Variants in USP33 observed in about 807,000 individuals in gnomAD.
The protein encoded by USP33 is ubiquitin carboxyl-terminal hydrolase 33.
Under a neutral mutation model 124.2 loss-of-function variants are expected in USP33, and 46 were observed. The ratio of observed to expected loss-of-function variants is 0.37; its 90% CI spans 0.29 to 0.47. The LOEUF (loss-of-function observed/expected upper bound fraction) is 0.47. USP33 is among the 20% of genes least tolerant of loss of function. USP33 has a pLI of 0.99. For missense variants in USP33, 851 were observed against 1,070.6 expected (o/e 0.79, Z 2.86); for synonymous variants, 350 against 352.3 (o/e 0.99, Z 0.07).
chr1:77,749,713 T>C (rs1318447208), intron 1 of USP33, among the ~76,000 whole-genome samples: 1 of 152,030 alleles, frequency 6.6e-6, no homozygotes, highest in African/African-American at 2.4e-5. Context: ...TAAAGATGAG[T>C]ACTGAGCGCT....
At chr1:77,735,436 AGT>A (rs1346254205) in intron 6 of USP33, among the ~76,000 whole-genome samples, 1 of 152,240 alleles carries the variant, frequency 6.6e-6, no homozygotes, top group African/African-American at 2.4e-5. Flanking sequence ...TAAAATTAAT[AGT>A]GTGAGCTAAA....
At chr1:77,718,279 CT>C (rs1676151448) in intron 16 of USP33, among the ~76,000 whole-genome samples, 1 of 152,140 alleles carries the variant, frequency 6.6e-6, no homozygotes, top group African/African-American at 2.4e-5. Context: ...TTATAACCTG[CT>C]TCCAGAGATG....
At chr1:77,712,392 T>C (rs1675359118) in intron 20 of USP33, among the ~76,000 whole-genome samples, 1 of 152,334 alleles carries the variant, frequency 6.6e-6, no homozygotes, top group Middle Eastern at 3.4e-3. Flanking sequence ...GGCATGGTGA[T>C]GTGTGCCTGT....
At chr1:77,751,077 T>C (rs1680288374) in intron 1 of USP33, among the ~76,000 whole-genome samples, 1 of 152,206 alleles carries the variant, frequency 6.6e-6, no homozygotes, top group Non-Finnish European at 1.5e-5. Context: ...TCCACAGAAG[T>C]AGATTTTGCA....
rs1434543294 is a variant in USP33, at chr1:77,720,180, A to AC, written c.1691+991_1691+992insG. ...TGTCTCAAATGAAAAAAAAAAAAAAAAAAAAAAAAAAAAACCTTTATTCTT... is the reference window on the plus strand; with the variant it reads ...TGTCTCAAATGAAAAAAAAAAAAAAACAAAAAAAAAAAAAACCTTTATTCTT... On this transcript the variant is annotated intron_variant, in intron 15 of 23. Transcript: ENST00000370794. 26 of 419,492 alleles carry AC rather than the reference A, an allele frequency of 6.2e-5. No homozygotes were observed. In the Admixed American group the frequency reaches 7.1e-4, roughly 12 times the overall value. 26.0% of individuals were successfully genotyped at this position (419,492 alleles called of 1,614,324 possible).
chr1:77,758,175 C>CTTTTTTTTTTTTTT (rs1185358841), intron 1 of USP33, among the ~76,000 whole-genome samples: 1 of 94,286 alleles, frequency 1.1e-5, no homozygotes, highest in Non-Finnish European at 2.0e-5. Context: ...TTGTACTGTC[C>CTTTTTTTTTTTTTT]TTTTTTTTTT....
Position 77,741,049 on chromosome 1 carries a change from T to G in USP33, c.136-110A>C, listed in dbSNP as rs763643007. 4.0e-6 allele frequency: 3 copies of G among 751,712 alleles called. No homozygotes were observed. The African/African-American group carries it at 5.4e-5, about 14-fold the overall frequency. 46.6% of individuals were successfully genotyped at this position (751,712 alleles called of 1,614,324 possible). On this transcript the variant is annotated intron_variant, in intron 3 of 23. Transcript: ENST00000370794. ...TTAAGTTTGGATTACCTGTTTTACA[T>G]TCAATGAGTAAATGACTTTCCAGTC...
rs1163236442 is a variant in USP33, at chr1:77,734,360, C to A, written c.511G>T (p.Ala171Ser). The A allele has an allele frequency of 6.3e-7, 1 of 1,591,816 alleles. No individual in the cohort carries two copies. Residue 171 changes from alanine to serine, a missense_variant, in exon 7 of 24, where the codon GCT becomes TCT. Physicochemically the swap from Ala to Ser is moderately conservative, Grantham distance 99. Coordinates refer to ENST00000370794, the MANE Select transcript of USP33 (RefSeq NM_201624.3). ...TTCTCTATTTACCAATTAGAAAGAGCCTGCAAAGCTGCATTCATGTAACAA... is the reference window on the plus strand; with the variant it reads ...TTCTCTATTTACCAATTAGAAAGAGACTGCAAAGCTGCATTCATGTAACAA... Reference protein sequence around the residue: ...NTCYMNAALQALSNCPPLTQF... With the variant: ...NTCYMNAALQSLSNCPPLTQF...
intron 1 of USP33, among the ~76,000 whole-genome samples, chr1:77,753,080 A>C (rs1427550302): frequency 6.6e-6 from 1 of 152,172 alleles, no homozygotes; most frequent in African/African-American, 2.4e-5. Flanking sequence ...ACTCCATCTC[A>C]AAAAATAAAA....
Position 77,730,681 on chromosome 1 carries a change from T to A in USP33, c.575A>T (p.Asp192Val). Residue 192 changes from aspartate (D) to valine (V), a missense_variant, in exon 8 of 24, where the codon GAT becomes GTT. By Grantham distance (152) the Asp-to-Val change is radical. Transcript: ENST00000370794. ...FLDCGGLART[D>V]KKPAICKSYL... is the part of the protein sequence containing the mutation. ...ACTTTTACAAATGGCAGGTTTCTTATCTGTTCGAGCTAGTCCTCCACAATC... is the reference window on the plus strand; with the variant it reads ...ACTTTTACAAATGGCAGGTTTCTTAACTGTTCGAGCTAGTCCTCCACAATC... The A allele has an allele frequency of 1.9e-6, 3 of 1,601,260 alleles. No individual in the cohort carries two copies. Among genetic ancestry groups the A allele is most frequent in the African/African-American group, 2.7e-5 (2 of 74,748 alleles).
intron 1 of USP33, among the ~76,000 whole-genome samples, chr1:77,757,932 T>A (rs1442100287): frequency 6.6e-6 from 1 of 152,158 alleles, no homozygotes; most frequent in South Asian, 2.1e-4. Flanking sequence ...AATGTAAGAA[T>A]TATCATCTCA....
At chr1:77,713,689 G>A (rs939084362) in intron 19 of USP33, among the ~76,000 whole-genome samples, 5 of 149,306 alleles carry the variant, frequency 3.3e-5, no homozygotes, top group African/African-American at 1.2e-4. Flanking sequence ...GAGCCATTGT[G>A]TCTGGCCATT....
At chr1:77,753,723 C>T (rs982418216) in intron 1 of USP33, among the ~76,000 whole-genome samples, 3 of 151,548 alleles carry the variant, frequency 2.0e-5, no homozygotes, top group Non-Finnish European at 2.9e-5. Context: ...TTTGCCTTAG[C>T]TCCCTCATCT....
Position 77,701,422 on chromosome 1 carries a change from A to T in USP33, c.2456T>A (p.Ile819Asn). Residue 819 changes from isoleucine to asparagine, a missense_variant, in exon 22 of 24, where the codon ATC becomes AAC. Ile to Asn is a moderately radical substitution (Grantham distance 149). Coordinates refer to ENST00000370794, the MANE Select transcript of USP33 (RefSeq NM_201624.3). Reference sequence around the variant, plus strand: ...CCATTCTCTAAACCACTGCATACTGATGCAATAAAAAGTAGCTGGAGAGTC... The same window carrying T: ...CCATTCTCTAAACCACTGCATACTGTTGCAATAAAAAGTAGCTGGAGAGTC... ...KEDSPATFYC[I>N]SMQWFREWES... is the part of the protein sequence containing the mutation. The T allele has an allele frequency of 6.2e-7, 1 of 1,613,520 alleles. No homozygotes were observed. Among genetic ancestry groups the T allele is most frequent in the Non-Finnish European group, 8.5e-7 (1 of 1,179,820 alleles).
At chr1:77,712,730 C>A (rs150429642) in intron 20 of USP33, among the ~76,000 whole-genome samples, 1 of 151,952 alleles carries the variant, frequency 6.6e-6, no homozygotes, top group African/African-American at 2.4e-5. Flanking sequence ...TGGTGATGCA[C>A]GCCTGTGATC....
intron 1 of USP33, among the ~76,000 whole-genome samples, chr1:77,757,813 C>T (rs1436554291): frequency 6.6e-6 from 1 of 152,164 alleles, no homozygotes; most frequent in African/African-American, 2.4e-5. Context: ...ATGTTTCTGT[C>T]ATGGGGAAAG....
rs36110822 is a variant in USP33, at chr1:77,744,122, C to CA, written c.-51-2375dup. ...CTGAGGACAGAGCAAGACTCTGTCT[C>CA]AAAAAAAAAAAAAAAAGTTCAAAAA... is the stretch of plus-strand genomic sequence containing the variant. On this transcript the variant is annotated intron_variant, in intron 1 of 23. Coordinates refer to ENST00000370794, the MANE Select transcript of USP33 (RefSeq NM_201624.3). Among the ~76,000 whole-genome samples the CA allele has an allele frequency of 1.3e-3, 154 of 116,378 alleles. 1 individual carries two copies. The highest frequency in any genetic ancestry group is 2.8e-3 in the Admixed American group (30 of 10,612). The allele number at this position is 116,378 out of a possible 152,430, so 76.3% of individuals were successfully genotyped here. A position where few individuals can be genotyped will look rare whatever the true frequency, so the allele number is the denominator to read the frequency against.
intron 8 of USP33, 73 bp from the exon 9 acceptor site, chr1:77,730,011 A>C: frequency 7.7e-7 from 1 of 1,302,820 alleles, no homozygotes. Context: ...AACTACCAAT[A>C]ATTCAAAGTG....
intron 1 of USP33, among the ~76,000 whole-genome samples, chr1:77,756,607 G>A (rs1315827690): frequency 6.6e-6 from 1 of 152,136 alleles, no homozygotes; most frequent in Non-Finnish European, 1.5e-5. Context: ...ACTGTAGATG[G>A]AAAACCACCC....
Sources: gnomAD v4.1 joint callset for allele counts (sites outside exome capture counted in the v4.1 genomes callset) on GRCh38, gnomAD v4.1.1 for gene constraint, MANE v1.5 for transcripts, NCBI Gene and HGNC (gene_info 2026-07-23, HGNC 2026-07-21) for gene names.